Variants in SLC35F4 observed in about 807,000 individuals in gnomAD.
SLC35F4 encodes solute carrier family 35 member F4.
Under a neutral mutation model 44.2 loss-of-function variants are expected in SLC35F4, and 24 were observed. The observed-to-expected ratio is 0.54, with a 90% confidence interval of 0.39 to 0.76. The LOEUF (loss-of-function observed/expected upper bound fraction) is 0.76, where lower values mean the gene tolerates loss of function less well. Ranked by LOEUF, SLC35F4 falls within the 30% of genes least tolerant of loss-of-function variation. The probability of loss-of-function intolerance (pLI) is 0.00; values close to 1 mark genes in which losing one functional copy is unlikely to be tolerated. For synonymous variants in SLC35F4, 238 were observed against 223.6 expected (o/e 1.06, Z -0.57); for missense variants, 562 against 586.1 (o/e 0.96, Z 0.42).
intron 1 of SLC35F4, 138 bp downstream of exon 1, chr14:57,865,585 G>T (rs1210426298): frequency 1.2e-5 from 8 of 644,526 alleles, no homozygotes; most frequent in Non-Finnish European, 1.7e-5. Context: ...GGTCCCCGCC[G>T]CCAGGAAGGC....
At chr14:57,678,184 A>C (rs1594776591) in intron 1 of SLC35F4, among the ~76,000 whole-genome samples, 1 of 152,262 alleles carries the variant, frequency 6.6e-6, no homozygotes, top group African/African-American at 2.4e-5. Context: ...ATCTGCAGAA[A>C]CCCTACAAGC....
chr14:57,909,628 A>G (rs1342037172), intron 1 of SLC35F4, among the ~76,000 whole-genome samples: 2 of 151,820 alleles, frequency 1.3e-5, no homozygotes, highest in Admixed American at 1.3e-4. Flanking sequence ...AGGTTCTTTC[A>G]TGTCTTTCCA....
intron 1 of SLC35F4, among the ~76,000 whole-genome samples, chr14:57,759,267 A>G (rs973558393): frequency 3.9e-5 from 6 of 152,114 alleles, no homozygotes; most frequent in African/African-American, 1.4e-4. Context: ...CTGCTGGATC[A>G]TATGGTAGTT....
intron 2 of SLC35F4, among the ~76,000 whole-genome samples, chr14:57,590,812 G>A (rs547726264): frequency 6.6e-6 from 1 of 152,332 alleles, no homozygotes; most frequent in East Asian, 1.9e-4. Context: ...ATTGCAAATG[G>A]CAGTGGATGG....
At chr14:57,746,095 CA>C (rs1166863118) in intron 1 of SLC35F4, among the ~76,000 whole-genome samples, 5 of 149,334 alleles carry the variant, frequency 3.3e-5, no homozygotes, top group African/African-American at 9.9e-5. Context: ...GAGTGGGGGG[CA>C]GGGGGAAGGG....
At chr14:57,571,469 C>T (rs1210868723) in intron 5 of SLC35F4, among the ~76,000 whole-genome samples, 1 of 152,128 alleles carries the variant, frequency 6.6e-6, no homozygotes, top group Non-Finnish European at 1.5e-5. Context: ...AAAATAATGA[C>T]CATAGATAAT....
chr14:57,588,131 CA>C (rs2069900893), intron 3 of SLC35F4, among the ~76,000 whole-genome samples: 1 of 152,172 alleles, frequency 6.6e-6, no homozygotes, highest in African/African-American at 2.4e-5. Context: ...CGTGCCACTG[CA>C]CTCCAGCCTG....
intron 1 of SLC35F4, among the ~76,000 whole-genome samples, chr14:57,919,607 A>C (rs1206016007): frequency 6.6e-6 from 1 of 152,166 alleles, no homozygotes; most frequent in African/African-American, 2.4e-5. Context: ...GTGGACCAGT[A>C]ACTAAGACCA....
At chr14:57,577,663 C>T (rs989741688) in intron 4 of SLC35F4, among the ~76,000 whole-genome samples, 2 of 129,486 alleles carry the variant, frequency 1.5e-5, no homozygotes, top group Non-Finnish European at 3.3e-5. Flanking sequence ...TGGGAAGAAC[C>T]TTTTTTTAAA....
At chr14:57,629,411 G>C (rs529029991) in intron 1 of SLC35F4, among the ~76,000 whole-genome samples, 1 of 152,184 alleles carries the variant, frequency 6.6e-6, no homozygotes, top group African/African-American at 2.4e-5. Flanking sequence ...CTGAAGCATT[G>C]CCTTTCTAAA....
intron 1 of SLC35F4, among the ~76,000 whole-genome samples, chr14:57,924,744 G>C (rs767661945): frequency 3.9e-5 from 6 of 151,938 alleles, no homozygotes; most frequent in Non-Finnish European, 7.4e-5. Context: ...ACCAAGCCCA[G>C]CCTACTTTTT....
chr14:57,596,667 C>G (rs374331974), intron 1 of SLC35F4: 5 of 719,080 alleles, frequency 7.0e-6, no homozygotes, highest in Middle Eastern at 5.7e-4. Context: ...GGATTGAGAT[C>G]AAATATTGTC....
chr14:57,700,673 G>A (rs1044383759), intron 1 of SLC35F4, among the ~76,000 whole-genome samples: 8 of 152,152 alleles, frequency 5.3e-5, no homozygotes, highest in South Asian at 2.1e-4. Context: ...AGGCTGAGGC[G>A]GGTGGATTGC....
intron 1 of SLC35F4, among the ~76,000 whole-genome samples, chr14:57,742,883 A>C (rs867243142): frequency 6.6e-6 from 1 of 152,250 alleles, no homozygotes; most frequent in African/African-American, 2.4e-5. Context: ...CTCTCAGACC[A>C]CAGTGCAATC....
intron 1 of SLC35F4, among the ~76,000 whole-genome samples, chr14:57,782,001 C>T (rs939949646): frequency 6.6e-6 from 1 of 152,116 alleles, no homozygotes; most frequent in Non-Finnish European, 1.5e-5. Context: ...ATCTGTATAT[C>T]AAACCCCCAT....
At chr14:57,629,801 G>C (rs760463775) in intron 1 of SLC35F4, 11 of 325,588 alleles carry the variant, frequency 3.4e-5, no homozygotes, top group African/African-American at 2.2e-4. Flanking sequence ...AATTACAACT[G>C]CATGACTGTA....
At chr14:57,804,878 G>A (rs576562850) in intron 1 of SLC35F4, among the ~76,000 whole-genome samples, 2 of 152,064 alleles carry the variant, frequency 1.3e-5, no homozygotes, top group South Asian at 2.1e-4. Flanking sequence ...GTCTCACAAA[G>A]GTCTAATATC....
intron 1 of SLC35F4, among the ~76,000 whole-genome samples, chr14:57,949,467 G>A (rs1890095891): frequency 1.3e-5 from 2 of 152,078 alleles, no homozygotes; most frequent in African/African-American, 4.8e-5. Context: ...CTTGGTTGGT[G>A]AATTTTTATC....
intron 1 of SLC35F4, among the ~76,000 whole-genome samples, chr14:57,941,757 C>T (rs1017805184): frequency 6.6e-6 from 1 of 151,964 alleles, no homozygotes; most frequent in Non-Finnish European, 1.5e-5. Flanking sequence ...AGTGAGAATA[C>T]ATGACCTATA....
Sources: allele counts gnomAD v4.1 joint callset (sites outside exome capture counted in the v4.1 genomes callset), GRCh38; gene constraint gnomAD v4.1.1; transcripts MANE v1.5; gene names NCBI Gene and HGNC (gene_info 2026-07-23, HGNC 2026-07-21).